The following GK variants were observed in gnomAD, a reference collection of about 807,000 sequenced individuals.
GK encodes ATP:glycerol 3-phosphotransferase.
GK carries 9 observed loss-of-function variants against 56.4 expected under a neutral mutation model. The ratio of observed to expected loss-of-function variants is 0.16; its 90% CI spans 0.10 to 0.28. The LOEUF (loss-of-function observed/expected upper bound fraction) is 0.28. Among genes scored for constraint, GK ranks in the 10% least tolerant of loss-of-function variants. The pLI, the probability that GK is intolerant of heterozygous loss-of-function variation, is 1.00. For synonymous variants in GK, 104 were observed against 144.1 expected (o/e 0.72, Z 1.99); for missense variants, 161 against 431.4 (o/e 0.37, Z 5.55).
At chrX:30,659,367 C>CTATG (rs1255956106) in intron 1 of GK, among the ~76,000 whole-genome samples, 1 of 112,715 alleles carries the variant, frequency 8.9e-6, no homozygotes, top group Non-Finnish European at 1.9e-5. Flanking sequence ...ATTTCATTTG[C>CTATG]TATGTTTTCT....
chrX:30,691,738 C>T (rs185928361), intron 5 of GK, among the ~76,000 whole-genome samples: 1 of 110,417 alleles, frequency 9.1e-6, no homozygotes, highest in African/African-American at 3.3e-5. Context: ...TCCCAAAGTG[C>T]TGGTGGGAGG....
intron 4 of GK, 83 bp downstream of exon 4, chrX:30,677,535 A>G: frequency 1.6e-6 from 1 of 627,509 alleles, no homozygotes; most frequent in East Asian, 3.2e-5. Context: ...TTGCTAAAAA[A>G]GCATGCAGTC....
intron 17 of GK, 50 bp from the exon 18 acceptor site, chrX:30,720,802 C>T (rs773318126): frequency 1.4e-5 from 17 of 1,209,340 alleles, no homozygotes; most frequent in Non-Finnish European, 1.9e-5. Context: ...ATAACTAGTT[C>T]TTTGGGCATA....
intron 18 of GK, among the ~76,000 whole-genome samples, chrX:30,722,790 G>T (rs1027654113): frequency 2.7e-5 from 3 of 110,872 alleles, no homozygotes; most frequent in Non-Finnish European, 5.7e-5. Flanking sequence ...AAGAGAGAGG[G>T]GGGGATAGAA....
intron 18 of GK, chrX:30,721,279 T>C (rs1446530952): frequency 3.1e-6 from 1 of 321,553 alleles, no homozygotes; most frequent in Non-Finnish European, 5.4e-6. Context: ...CTGTCAGGTA[T>C]AGCTAGTTAG....
chrX:30,720,842 C>T lies in GK; in HGVS notation c.1358-10C>T, dbSNP rs1305622259. The T allele has an allele frequency of 8.3e-7, 1 of 1,211,714 alleles. No homozygotes were observed. Among genetic ancestry groups the T allele is most frequent in the Non-Finnish European group, 1.1e-6 (1 of 895,153 alleles). ...ACCACAAAGATATTGATGGAACTCT[C>T]TCTCCTCAGTGAAGCCCTCAATGCC... On this transcript the variant is annotated splice_polypyrimidine_tract_variant and intron_variant, in intron 17 of 20. Coordinates refer to ENST00000427190, the MANE Select transcript of GK (RefSeq NM_001205019.2).
At chrX:30,661,486 C>A (rs1932757000) in intron 1 of GK, among the ~76,000 whole-genome samples, 1 of 106,218 alleles carries the variant, frequency 9.4e-6, no homozygotes, top group Non-Finnish European at 2.0e-5. Context: ...CTGTCCCAGT[C>A]TTGCCTCCCT....
chrX:30,694,106 G>A (rs1010893844), intron 5 of GK, among the ~76,000 whole-genome samples: 1 of 111,394 alleles, frequency 9.0e-6, no homozygotes, highest in Non-Finnish European at 1.9e-5. Context: ...CTAATTTATT[G>A]CAAAAATCAA....
At chrX:30,723,116 C>T (rs181659867) in intron 18 of GK, among the ~76,000 whole-genome samples, 2 of 112,104 alleles carry the variant, frequency 1.8e-5, no homozygotes, top group East Asian at 5.6e-4. Flanking sequence ...ACGTCTCCTG[C>T]GGGGCGTGGT....
intron 4 of GK, among the ~76,000 whole-genome samples, chrX:30,690,891 C>T (rs920652367): frequency 8.9e-6 from 1 of 111,834 alleles, no homozygotes; most frequent in Non-Finnish European, 1.9e-5. Flanking sequence ...TTGTATTATT[C>T]TCCTAACTTG....
At chrX:30,660,575 G>C (rs769736972) in intron 1 of GK, among the ~76,000 whole-genome samples, 108 of 110,758 alleles carry the variant, frequency 9.8e-4, no homozygotes, top group African/African-American at 3.0e-3. Flanking sequence ...CCTATTCTAT[G>C]CTAAATACTC....
intron 16 of GK, among the ~76,000 whole-genome samples, chrX:30,720,367 C>A (rs776702292): frequency 9.9e-5 from 11 of 111,462 alleles, no homozygotes; most frequent in Non-Finnish European, 2.1e-4. Flanking sequence ...CAAACATAGG[C>A]ATCAAGGCAG....
intron 3 of GK, among the ~76,000 whole-genome samples, chrX:30,670,565 C>T (rs1269083896): frequency 9.1e-6 from 1 of 109,855 alleles, no homozygotes; most frequent in Non-Finnish European, 1.9e-5. Flanking sequence ...AGAGAACATC[C>T]CACAAGCTCC....
chrX:30,701,046 A>G, intron 11 of GK, 141 bp downstream of exon 11: 2 of 484,377 alleles, frequency 4.1e-6, no homozygotes. Context: ...TACACTTTTT[A>G]CCATTTTTTT....
chrX:30,703,770 G>T (rs1042688252), intron 11 of GK, among the ~76,000 whole-genome samples: 2 of 110,416 alleles, frequency 1.8e-5, no homozygotes, highest in African/African-American at 6.6e-5. Flanking sequence ...AGACCAGTCT[G>T]GCCATCATGG....
chrX:30,662,348 G>A (rs1932785109), intron 1 of GK, among the ~76,000 whole-genome samples: 1 of 111,732 alleles, frequency 8.9e-6, no homozygotes, highest in Admixed American at 9.5e-5. Flanking sequence ...TATTTCTATT[G>A]GACAGGCTAC....
chrX:30,700,262 T>G, intron 9 of GK, 152 bp from the exon 10 acceptor site: 1 of 444,533 alleles, frequency 2.2e-6, no homozygotes, highest in East Asian at 3.8e-5. Context: ...GTAGTATCTG[T>G]CTCTTTATCA....
intron 4 of GK, among the ~76,000 whole-genome samples, 175 bp downstream of exon 4, chrX:30,677,627 C>T (rs1285080361): frequency 9.0e-6 from 1 of 110,768 alleles, no homozygotes; most frequent in Non-Finnish European, 1.9e-5. Flanking sequence ...GAGTTCAAGA[C>T]CAGCCTGGTC....
chrX:30,712,756 G>T (rs1293488479), intron 13 of GK, among the ~76,000 whole-genome samples: 2 of 77,730 alleles, frequency 2.6e-5, no homozygotes, highest in East Asian at 8.0e-4. Context: ...ATGGAGTCTC[G>T]CTCTGTCGCC....
Sources: gnomAD v4.1 joint callset for allele counts (sites outside exome capture counted in the v4.1 genomes callset) on GRCh38, gnomAD v4.1.1 for gene constraint, MANE v1.5 for transcripts, NCBI Gene and HGNC (gene_info 2026-07-23, HGNC 2026-07-21) for gene names.